TUSC3: variants seen among roughly 807,000 people sequenced by gnomAD.
The protein encoded by TUSC3 is tumor suppressor candidate 3.
A neutral mutation model predicts 44.8 loss-of-function variants in TUSC3; 45 were observed. The observed-to-expected ratio is 1.00, with a 90% CI of 0.79 to 1.29. The LOEUF (loss-of-function observed/expected upper bound fraction) is 1.29, where lower values mean the gene tolerates loss of function less well. Among genes scored for constraint, TUSC3 ranks in the 50% most tolerant of loss-of-function variants. The pLI, the probability that TUSC3 is intolerant of heterozygous loss-of-function variation, is 0.00. For synonymous variants in TUSC3, 212 were observed against 152.9 expected (o/e 1.39, Z -2.85); for missense variants, 519 against 437.9 (o/e 1.19, Z -1.65).
chr8:15,812,521 A>G, the TUSC3 span, among the ~76,000 whole-genome samples: 67 of 152,146 alleles, frequency 4.4e-4, no homozygotes, highest in Non-Finnish European at 5.1e-4. Context: ...GTTGCAACCA[A>G]TTAGGTCACA....
intron 6 of TUSC3, among the ~76,000 whole-genome samples, chr8:15,699,857 T>G (rs1809321823): frequency 6.6e-6 from 1 of 152,174 alleles, no homozygotes; most frequent in South Asian, 2.1e-4. Flanking sequence ...GTGATTATCC[T>G]TTCAACAAGT....
rs570044543 is a variant in TUSC3, at chr8:15,748,687, G to C, written c.1028+222G>C. On this transcript the variant is annotated intron_variant, in intron 9 of 10. Transcript: ENST00000503731. ...CCTGACAGCATGTAGTTTCTTTCTA[G>C]ACATACATATTTTTATATAACAAAT... The C allele has an allele frequency of 1.2e-4, 84 of 681,782 alleles. 1 individual carries two copies. In the African/African-American group the frequency reaches 1.4e-3, roughly 12 times the overall value. 42.2% of individuals were successfully genotyped at this position (681,782 alleles called of 1,614,324 possible). A position where few individuals can be genotyped will look rare whatever the true frequency, so the allele number is the denominator to read the frequency against.
chr8:15,483,649 A>ATATTTTTTTTTTTTTTTTT (rs1800694380), intron 2 of TUSC3, among the ~76,000 whole-genome samples: 2 of 66,166 alleles, frequency 3.0e-5, no homozygotes, highest in African/African-American at 1.1e-4. Context: ...TAGCACTGTG[A>ATATTTTTTTTTTTTTTTTT]TTTTTTTTTT....
chr8:15,605,053 TAGTC>T (rs1321027506), intron 1 of TUSC3, among the ~76,000 whole-genome samples: 2 of 151,870 alleles, frequency 1.3e-5, no homozygotes, highest in Admixed American at 6.6e-5. Context: ...ACTAAGGTGT[TAGTC>T]AGTAAAGATG....
chr8:15,707,401 G>T (rs537563229), intron 6 of TUSC3, among the ~76,000 whole-genome samples: 1 of 151,858 alleles, frequency 6.6e-6, no homozygotes, highest in African/African-American at 2.4e-5. Flanking sequence ...TCTAAGTTTT[G>T]TGCCCTATGT....
At chr8:15,425,709 C>G (rs1799795461) in intron 1 of TUSC3, among the ~76,000 whole-genome samples, 1 of 152,198 alleles carries the variant, frequency 6.6e-6, no homozygotes, top group Non-Finnish European at 1.5e-5. Flanking sequence ...GTTTTATTAA[C>G]AAATCTCTCA....
intron 1 of TUSC3, among the ~76,000 whole-genome samples, chr8:15,421,223 C>G (rs1425050630): frequency 2.6e-5 from 4 of 152,178 alleles, no homozygotes; most frequent in African/African-American, 9.7e-5. Flanking sequence ...TCTGCCCCTG[C>G]AACATCCCCC....
In TUSC3 at chr8:15,673,836, G is replaced by A. The variant is rs1808064855; in HGVS notation, c.798G>A (p.Val266=). ...ATAAGAACCCACACAATGGACAAGT[G>A]GTAAGTGTAATTTATAAGCATGAAT... ...YAHKNPHNGQ[V]SYIHGSSQAQ... Residue 266 remains valine (V), a splice_region_variant and synonymous_variant, in exon 6 of 11, where the codon GTG becomes GTA. Transcript: ENST00000503731. 2 of 1,610,162 alleles carry A rather than the reference G, an allele frequency of 1.2e-6. No homozygotes were observed. Among genetic ancestry groups the A allele is most frequent in the African/African-American group, 1.3e-5 (1 of 74,746 alleles).
chr8:15,483,649 A>ATGTTTTTTTTTTTTTTTTT (rs1800694380), intron 2 of TUSC3, among the ~76,000 whole-genome samples: 2 of 66,166 alleles, frequency 3.0e-5, no homozygotes, highest in Non-Finnish European at 5.5e-5. Context: ...TAGCACTGTG[A>ATGTTTTTTTTTTTTTTTTT]TTTTTTTTTT....
At chr8:15,466,234 T>C (rs1276288105) in intron 1 of TUSC3, among the ~76,000 whole-genome samples, 1 of 152,178 alleles carries the variant, frequency 6.6e-6, no homozygotes, top group Non-Finnish European at 1.5e-5. Flanking sequence ...ACACATTTCT[T>C]TGGAACAATT....
At chr8:15,465,099 T>C (rs1987901) in intron 1 of TUSC3, among the ~76,000 whole-genome samples, 82,582 of 152,076 alleles carry the variant, frequency 0.54, 23,572 homozygotes, top group African/African-American at 0.72. Flanking sequence ...CCACCTGCCT[T>C]GGCTCCCAAA....
chr8:15,784,034 G>T, the TUSC3 span, among the ~76,000 whole-genome samples: 1 of 151,988 alleles, frequency 6.6e-6, no homozygotes, highest in Non-Finnish European at 1.5e-5. Context: ...TTAAAAATGG[G>T]CAATGGACCC....
intron 1 of TUSC3, among the ~76,000 whole-genome samples, chr8:15,580,928 C>T (rs1803301741): frequency 8.0e-6 from 1 of 125,304 alleles, no homozygotes; most frequent in Admixed American, 8.3e-5. Flanking sequence ...AACTTGGTTC[C>T]ATTCTCCCCA....
intron 1 of TUSC3, among the ~76,000 whole-genome samples, chr8:15,597,596 C>G (rs1047796894): frequency 3.9e-5 from 6 of 151,968 alleles, no homozygotes; most frequent in Non-Finnish European, 7.4e-5. Flanking sequence ...CTAACAACAT[C>G]TAAAATACTA....
rs1345217463 is a variant in TUSC3 at position 15,640,222 on chromosome 8, G to C, written c.309-10475G>C. On this transcript the variant is annotated intron_variant, in intron 2 of 10. Transcript: ENST00000503731. ...ACCAACCTTCTTGGGCACTGAATCT[G>C]TAATGAACCTCCCTGGTAGAAACAC... is the stretch of plus-strand genomic sequence containing the variant. 2.0e-5 allele frequency among the ~76,000 whole-genome samples: 3 copies of C among 152,328 alleles called. No individual in the cohort carries two copies. In the East Asian group the frequency reaches 5.8e-4, roughly 29 times the overall value.
At chr8:15,504,387 T>C (rs915939184) in intron 2 of TUSC3, among the ~76,000 whole-genome samples, 9 of 151,820 alleles carry the variant, frequency 5.9e-5, no homozygotes, top group Non-Finnish European at 1.0e-4. Flanking sequence ...GTGTAATGCC[T>C]AGCACAAAAT....
At chr8:15,729,712 T>C (rs1180818166) in intron 6 of TUSC3, among the ~76,000 whole-genome samples, 2 of 151,806 alleles carry the variant, frequency 1.3e-5, no homozygotes, top group African/African-American at 2.4e-5. Flanking sequence ...TTACTTGAGG[T>C]TGGAGGGTGG....
chr8:15,847,097 T>G, the TUSC3 span, among the ~76,000 whole-genome samples: 1 of 152,060 alleles, frequency 6.6e-6, no homozygotes, highest in Non-Finnish European at 1.5e-5. Flanking sequence ...TCCGCAGTCC[T>G]CCACTCTGTC....
chr8:15,604,788 A>C (rs1804447699), intron 1 of TUSC3, among the ~76,000 whole-genome samples: 1 of 143,030 alleles, frequency 7.0e-6, no homozygotes, highest in Non-Finnish European at 1.5e-5. Context: ...GCAGTAACTT[A>C]ATAGCCCTAC....
Sources: gnomAD v4.1 joint callset for allele counts (sites outside exome capture counted in the v4.1 genomes callset) on GRCh38, gnomAD v4.1.1 for gene constraint, MANE v1.5 for transcripts, NCBI Gene and HGNC (gene_info 2026-07-23, HGNC 2026-07-21) for gene names.